Variants in FAM120C observed in about 807,000 individuals in gnomAD.
FAM120C encodes the protein family with sequence similarity 120 member C, also known as constitutive coactivator of PPAR-gamma-like protein 2.
FAM120C carries 14 observed loss-of-function variants against 71.2 expected under a neutral mutation model. The ratio of observed to expected loss-of-function variants is 0.20; its 90% CI spans 0.13 to 0.31. The LOEUF is 0.31. Among genes scored for constraint, FAM120C ranks in the 10% least tolerant of loss-of-function variants. The pLI is 1.00. For missense variants in FAM120C, 500 were observed against 879.0 expected (o/e 0.57, Z 5.45); for synonymous variants, 354 against 353.2 (o/e 1.00, Z -0.03).
At chrX:54,117,566 T>C (rs782698725) in intron 9 of FAM120C, among the ~76,000 whole-genome samples, 3 of 102,762 alleles carry the variant, frequency 2.9e-5, no homozygotes, top group Non-Finnish European at 3.9e-5. Flanking sequence ...GGCATAGTGG[T>C]GGGTGCCTGT....
chrX:54,099,375 A>ATG (rs1284640645), intron 10 of FAM120C, among the ~76,000 whole-genome samples: 1 of 111,372 alleles, frequency 9.0e-6, no homozygotes, highest in Non-Finnish European at 1.9e-5. Flanking sequence ...CTTTATATAT[A>ATG]TTATGGATAC....
intron 9 of FAM120C, among the ~76,000 whole-genome samples, chrX:54,118,021 C>T (rs1442796205): frequency 7.2e-5 from 8 of 110,698 alleles, no homozygotes; most frequent in Non-Finnish European, 1.1e-4. Context: ...GTCAGGAGTT[C>T]GAGACCAGCC....
At chrX:54,101,860 T>G (rs1352992601) in intron 10 of FAM120C, among the ~76,000 whole-genome samples, 4 of 111,557 alleles carry the variant, frequency 3.6e-5, no homozygotes, top group African/African-American at 9.8e-5. Flanking sequence ...TCTAAGGAGT[T>G]ATAAACTCTC....
intron 3 of FAM120C, among the ~76,000 whole-genome samples, chrX:54,155,827 A>G (rs1557133629): frequency 2.7e-5 from 3 of 111,280 alleles, no homozygotes. Context: ...TGTGCCTGAT[A>G]GTCCCAGCTA....
intron 10 of FAM120C, among the ~76,000 whole-genome samples, chrX:54,099,156 A>C (rs1364625854): frequency 9.2e-6 from 1 of 108,489 alleles, no homozygotes; most frequent in Non-Finnish European, 1.9e-5. Flanking sequence ...TTGGGACCAC[A>C]GGTGCACAGC....
chrX:54,148,412 C>T (rs1332348603), intron 4 of FAM120C, among the ~76,000 whole-genome samples: 1 of 111,509 alleles, frequency 9.0e-6, no homozygotes. Context: ...TTTGGGAGGC[C>T]GAGGTGAGCA....
intron 10 of FAM120C, among the ~76,000 whole-genome samples, chrX:54,100,576 A>G (rs1306652568): frequency 9.0e-6 from 1 of 111,678 alleles, no homozygotes; most frequent in African/African-American, 3.3e-5. Context: ...CGGGAGGCTG[A>G]GGTGGGAGGA....
chrX:54,174,135 C>T, intron 1 of FAM120C: 1 of 513,738 alleles, frequency 1.9e-6, no homozygotes, highest in Non-Finnish European at 3.5e-6. Context: ...CAGCTCACAA[C>T]ATGGCAGCTT....
intron 14 of FAM120C, among the ~76,000 whole-genome samples, chrX:54,080,505 T>C (rs191604304): frequency 2.7e-5 from 3 of 112,068 alleles, no homozygotes; most frequent in East Asian, 5.6e-4. Flanking sequence ...AAAAACTCTT[T>C]CATTAAGGCA....
chrX:54,101,543 GCT>G (rs1174707517), intron 10 of FAM120C, among the ~76,000 whole-genome samples: 1 of 111,940 alleles, frequency 8.9e-6, no homozygotes, highest in African/African-American at 3.2e-5. Flanking sequence ...AAATGTTTCT[GCT>G]CTGTTTCCCT....
At chrX:54,083,433 C>CCACACACA (rs781964795) in intron 13 of FAM120C, among the ~76,000 whole-genome samples, 7,547 of 78,770 alleles carry the variant, frequency 0.096, 395 homozygotes, top group Non-Finnish European at 0.12. Context: ...GACCCCATCT[C>CCACACACA]CACACACACA....
chrX:54,133,710 G>T, intron 8 of FAM120C, 63 bp downstream of exon 8: 1 of 1,103,500 alleles, frequency 9.1e-7, no homozygotes, highest in Non-Finnish European at 1.2e-6. Context: ...GTAACTTACA[G>T]TCCTAGGAAG....
intron 1 of FAM120C, among the ~76,000 whole-genome samples, chrX:54,179,880 A>G (rs1171758509): frequency 6.2e-5 from 7 of 112,169 alleles, no homozygotes; most frequent in African/African-American, 2.3e-4. Flanking sequence ...TCTAAGGACT[A>G]AAGAGGACTG....
rs2066709188 is a variant in FAM120C, at chrX:54,071,634, T to C, written c.*1399A>G. 9.0e-6 allele frequency: 1 copy of C among 111,722 alleles called. No individual in the cohort carries two copies. Among genetic ancestry groups the C allele is most frequent in the Non-Finnish European group, 1.9e-5 (1 of 53,106 alleles). 9.2% of individuals were successfully genotyped at this position (111,722 alleles called of 1,213,427 possible). On this transcript the variant is annotated 3_prime_UTR_variant, in exon 16 of 16. Coordinates refer to ENST00000375180, the MANE Select transcript of FAM120C (RefSeq NM_017848.6). ...CATCCCCCCTTTTCTCTCCAAACCT[T>C]CATAAGGAAATGCCCAACTCTTCCC...
At chrX:54,142,537 G>A (rs2067131054) in intron 4 of FAM120C, among the ~76,000 whole-genome samples, 1 of 112,028 alleles carries the variant, frequency 8.9e-6, no homozygotes, top group South Asian at 3.7e-4. Flanking sequence ...AGCGAGGCTG[G>A]GGGAGGGGCG....
Position 54,098,041 on chromosome X carries a change from C to CTT in FAM120C, c.2313-6617_2313-6616dup, listed in dbSNP as rs782139749. ...GTGCCCGGCCTATTTTTTTATATTA[C>CTT]TTTTTTTTTTTTTTTTTGAGATGGA... On this transcript the variant is annotated intron_variant, in intron 10 of 15. Transcript: ENST00000375180. Among the ~76,000 whole-genome samples, 12 of 73,344 alleles carry CTT rather than the reference C, an allele frequency of 1.6e-4. No homozygotes were observed. In the East Asian group the frequency reaches 4.4e-3, roughly 27 times the overall value. The allele number at this position is 73,344 out of a possible 115,157, so 63.7% of individuals were successfully genotyped here.
At chrX:54,144,202 A>G (rs1202845965) in intron 4 of FAM120C, among the ~76,000 whole-genome samples, 9 of 111,594 alleles carry the variant, frequency 8.1e-5, no homozygotes, top group Non-Finnish European at 1.1e-4. Flanking sequence ...ACCCACAGCC[A>G]ATATCATACT....
intron 1 of FAM120C, 134 bp from the exon 2 acceptor site, chrX:54,159,750 A>T: frequency 1.6e-6 from 1 of 630,095 alleles, no homozygotes; most frequent in Non-Finnish European, 2.3e-6. Context: ...ACATTCTTTT[A>T]ACATTTTTTA....
chrX:54,173,775 C>A, intron 1 of FAM120C: 1 of 184,800 alleles, frequency 5.4e-6, no homozygotes, highest in East Asian at 1.0e-4. Context: ...TTAAAAAGAA[C>A]AAGCACAACA....
Sources: allele counts gnomAD v4.1 joint callset (sites outside exome capture counted in the v4.1 genomes callset), GRCh38; gene constraint gnomAD v4.1.1; transcripts MANE v1.5; gene names NCBI Gene and HGNC (gene_info 2026-07-23, HGNC 2026-07-21).